CMSS1: variants seen among roughly 807,000 people sequenced by gnomAD.
CMSS1 encodes the protein protein CMSS1.
CMSS1 carries 33 observed loss-of-function variants against 43.5 expected under a neutral mutation model. That is an observed-to-expected ratio of 0.76 (90% CI 0.57 to 1.01). CMSS1 has a LOEUF of 1.01. Ranked by LOEUF, CMSS1 falls within the 50% of genes least tolerant of loss-of-function variation. The pLI is 0.00. For missense variants in CMSS1, 313 were observed against 326.4 expected, an observed-to-expected ratio of 0.96 and a Z score of 0.32; for synonymous variants, 115 against 117.2, an observed-to-expected ratio of 0.98 and a Z score of 0.12.
intron 1 of CMSS1, among the ~76,000 whole-genome samples, chr3:100,102,533 C>T (rs768975630): frequency 7.2e-5 from 11 of 152,130 alleles, no homozygotes; most frequent in Non-Finnish European, 1.3e-4. Flanking sequence ...TTTATCTGTA[C>T]GTCTCTTGTA....
At chr3:99,856,227 A>G (rs1009213559) in intron 1 of CMSS1, among the ~76,000 whole-genome samples, 4 of 152,244 alleles carry the variant, frequency 2.6e-5, no homozygotes, top group African/African-American at 9.6e-5. Context: ...AGGAAGATGC[A>G]CTTGATAAGA....
At chr3:100,075,522 C>G (rs1394017152) in intron 1 of CMSS1, 3 of 150,888 alleles carry the variant, frequency 2.0e-5, no homozygotes. Context: ...CGGGTTTTTG[C>G]TTTTTACTTC....
chr3:100,027,648 T>G (rs1576652714), intron 1 of CMSS1, among the ~76,000 whole-genome samples: 1 of 152,182 alleles, frequency 6.6e-6, no homozygotes, highest in South Asian at 2.1e-4. Context: ...TCCCAAGGTA[T>G]TGCTGTTTAG....
chr3:100,001,874 C>A (rs1198997805), intron 1 of CMSS1, among the ~76,000 whole-genome samples: 3 of 152,164 alleles, frequency 2.0e-5, no homozygotes, highest in African/African-American at 7.2e-5. Flanking sequence ...CTTACCCTCC[C>A]CTAAGCTGCT....
chr3:99,974,389 C>CA (rs1311149538), intron 1 of CMSS1, among the ~76,000 whole-genome samples: 6 of 152,046 alleles, frequency 3.9e-5, no homozygotes, highest in African/African-American at 1.4e-4. Flanking sequence ...ACTATCAGGT[C>CA]AAAAAACTTA....
chr3:100,060,191 A>G lies in CMSS1; in HGVS notation c.65-86782A>G, dbSNP rs142550472. 6.0e-3 allele frequency among the ~76,000 whole-genome samples: 920 copies of G among 152,188 alleles called. 10 individuals are homozygous for G. The highest frequency in any genetic ancestry group is 0.027 in the Middle Eastern group (8 of 294). ...CTGAAGAGGTTGAGATTTACTTTCT[A>G]TGTCATGAGGAGCCCCTAAAGATTT... On this transcript the variant is annotated intron_variant, in intron 1 of 9. Transcript: ENST00000421999.
At chr3:99,991,509 T>C (rs1365443019) in intron 1 of CMSS1, among the ~76,000 whole-genome samples, 1 of 152,116 alleles carries the variant, frequency 6.6e-6, no homozygotes, top group Non-Finnish European at 1.5e-5. Context: ...CATGCATATA[T>C]TGCATCATGG....
At position 99,918,578 on chromosome 3, in the gene CMSS1, T is replaced by C. The variant is rs185634835; in HGVS notation, c.64+100535T>C. Among the ~76,000 whole-genome samples, 31 of 152,316 alleles carry C rather than the reference T, an allele frequency of 2.0e-4. 1 individual carries two copies. In the East Asian group the frequency reaches 6.0e-3, roughly 29 times the overall value. ...TTGTCACTCTATCTGAATTTTGACCTCTGAAATTAAAAGGCATTGTATGGA... is the reference window on the plus strand; with the variant it reads ...TTGTCACTCTATCTGAATTTTGACCCCTGAAATTAAAAGGCATTGTATGGA... On this transcript the variant is annotated intron_variant, in intron 1 of 9. Coordinates refer to ENST00000421999, the MANE Select transcript of CMSS1 (RefSeq NM_032359.4).
intron 1 of CMSS1, among the ~76,000 whole-genome samples, chr3:100,088,902 T>C (rs1263711478): frequency 6.6e-6 from 1 of 152,226 alleles, no homozygotes; most frequent in Non-Finnish European, 1.5e-5. Flanking sequence ...TTTTTTGTTA[T>C]GTTTATTTTT....
intron 1 of CMSS1, among the ~76,000 whole-genome samples, chr3:100,038,417 T>C (rs2065146253): frequency 6.6e-6 from 1 of 152,192 alleles, no homozygotes; most frequent in African/African-American, 2.4e-5. Context: ...GCCAAATTAT[T>C]TCTTTTTTCA....
At position 99,883,225 on chromosome 3, in the gene CMSS1, C is replaced by T. The variant is rs569954373; in HGVS notation, c.64+65182C>T. Among the ~76,000 whole-genome samples, 20 of 152,270 alleles carry T rather than the reference C, an allele frequency of 1.3e-4. 2 individuals are homozygous for T. In the South Asian group the frequency reaches 3.7e-3, roughly 28 times the overall value. ...GAACAGCTCCAGAGATTTTTTACTT[C>T]CCCAGCAAGTCCATTCCATTCCAAA... On this transcript the variant is annotated intron_variant, in intron 1 of 9. Transcript: ENST00000421999.
intron 1 of CMSS1, among the ~76,000 whole-genome samples, chr3:99,842,868 C>T (rs1943196743): frequency 6.6e-6 from 1 of 152,110 alleles, no homozygotes; most frequent in Admixed American, 6.6e-5. Flanking sequence ...TTATGAAGTA[C>T]TTAGAGGTGT....
chr3:100,080,640 C>T lies in CMSS1; in HGVS notation c.65-66333C>T, dbSNP rs1256399105. ...AGGAGTGATGCCTTGTTCTGTTCTC[C>T]CGATAGCAAGAGGCAGTGGGGATGG... On this transcript the variant is annotated intron_variant, in intron 1 of 9. Transcript: ENST00000421999. Among the ~76,000 whole-genome samples the T allele has an allele frequency of 2.0e-5, 3 of 152,142 alleles. No homozygotes were observed. In the East Asian group the frequency reaches 5.8e-4, roughly 29 times the overall value.
At chr3:99,838,441 CA>C (rs1037153421) in intron 1 of CMSS1, among the ~76,000 whole-genome samples, 1 of 152,148 alleles carries the variant, frequency 6.6e-6, no homozygotes, top group African/African-American at 2.4e-5. Flanking sequence ...CTTCACTTGA[CA>C]AGAGATGAAA....
intron 1 of CMSS1, among the ~76,000 whole-genome samples, chr3:99,997,739 GA>G (rs1211145334): frequency 6.6e-6 from 1 of 152,154 alleles, no homozygotes; most frequent in Non-Finnish European, 1.5e-5. Context: ...ACAGAGCTAT[GA>G]AAATAAAGAA....
chr3:99,976,444 C>T (rs939659636), intron 1 of CMSS1, among the ~76,000 whole-genome samples: 2 of 151,942 alleles, frequency 1.3e-5, no homozygotes, highest in Non-Finnish European at 2.9e-5. Context: ...AAACAGTAAC[C>T]CCCCAAGAGA....
At chr3:99,907,438 A>G (rs942185228) in intron 1 of CMSS1, among the ~76,000 whole-genome samples, 4 of 152,094 alleles carry the variant, frequency 2.6e-5, no homozygotes, top group African/African-American at 9.6e-5. Flanking sequence ...TAGTAGAGAC[A>G]GGGTTTCACC....
rs1943089158 is a variant in CMSS1, at chr3:99,840,529, A to G, written c.64+22486A>G. ...GAGCTACCATGCCCAGCCAATTCAT[A>G]GAATCTTAGAGAAGGAAACATCTAG... is the stretch of plus-strand genomic sequence containing the variant. On this transcript the variant is annotated intron_variant, in intron 1 of 9. Transcript: ENST00000421999. 5.3e-5 allele frequency among the ~76,000 whole-genome samples: 8 copies of G among 152,302 alleles called. 1 individual carries two copies. The South Asian group carries it at 1.7e-3, about 32-fold the overall frequency.
chr3:100,029,109 T>C (rs2064979704), intron 1 of CMSS1, among the ~76,000 whole-genome samples: 1 of 152,106 alleles, frequency 6.6e-6, no homozygotes, highest in African/African-American at 2.4e-5. Context: ...AAGGATTGCT[T>C]GAGCTCAGGA....
Sources: gnomAD v4.1 joint callset for allele counts (sites outside exome capture counted in the v4.1 genomes callset) on GRCh38, gnomAD v4.1.1 for gene constraint, MANE v1.5 for transcripts, NCBI Gene and HGNC (gene_info 2026-07-23, HGNC 2026-07-21) for gene names.